The following KANK1 variants were observed in gnomAD, a reference collection of about 807,000 sequenced individuals.
KANK1 encodes KN motif and ankyrin repeat domain-containing protein 1.
Under a neutral mutation model 106.2 loss-of-function variants are expected in KANK1, and 109 were observed. The ratio of observed to expected loss-of-function variants is 1.03; its 90% CI spans 0.88 to 1.20. The LOEUF is 1.20. Among genes scored for constraint, KANK1 ranks in the 50% most tolerant of loss-of-function variants. KANK1 has a pLI of 0.00. For missense variants in KANK1, 2,399 were observed against 1,710.7 expected, an observed-to-expected ratio of 1.40 and a Z score of -7.10; for synonymous variants, 873 against 652.2, an observed-to-expected ratio of 1.34 and a Z score of -5.16.
At chr9:569,489 C>T (rs1818639107) in intron 1 of KANK1, among the ~76,000 whole-genome samples, 1 of 152,164 alleles carries the variant, frequency 6.6e-6, no homozygotes, top group Non-Finnish European at 1.5e-5. Flanking sequence ...ATGTGATTCC[C>T]TGTGCTGCCT....
At chr9:628,920 A>C (rs866445032) in intron 1 of KANK1, among the ~76,000 whole-genome samples, 1 of 149,648 alleles carries the variant, frequency 6.7e-6, no homozygotes, top group South Asian at 2.1e-4. Context: ...CTCTACTAAA[A>C]ATACAAAAAA....
intron 1 of KANK1, among the ~76,000 whole-genome samples, chr9:622,987 C>T (rs1387842626): frequency 6.6e-6 from 1 of 152,116 alleles, no homozygotes; most frequent in Non-Finnish European, 1.5e-5. Flanking sequence ...AGCTTCTTGA[C>T]ATTGGCCTTG....
intron 1 of KANK1, among the ~76,000 whole-genome samples, chr9:544,464 T>A (rs2060807021): frequency 6.6e-6 from 1 of 152,150 alleles, no homozygotes; most frequent in Admixed American, 6.5e-5. Context: ...TCACTATTGC[T>A]GATGAGCCAT....
intron 1 of KANK1, among the ~76,000 whole-genome samples, chr9:608,871 G>C (rs1434335380): frequency 6.6e-6 from 1 of 152,142 alleles, no homozygotes; most frequent in Non-Finnish European, 1.5e-5. Flanking sequence ...TAAGGCCATG[G>C]TGACATGCAT....
Position 671,821 on chromosome 9 carries a change from ACCTGT to A in KANK1, c.-83-5068_-83-5064del, listed in dbSNP as rs575727486. Among the ~76,000 whole-genome samples the A allele has an allele frequency of 3.3e-3, 490 of 149,886 alleles. 1 individual carries two copies. The highest frequency in any genetic ancestry group is 0.012 in the African/African-American group (479 of 40,696). ...AAATTAGCTGGGCATGGTGGTACAC[ACCTGT>A]AATCCCAGCTGCTTGGGAGGCTGAG... On this transcript the variant is annotated intron_variant, in intron 1 of 11. Transcript: ENST00000382297.
chr9:534,837 C>G (rs549625937), intron 1 of KANK1, among the ~76,000 whole-genome samples: 1 of 152,270 alleles, frequency 6.6e-6, no homozygotes, highest in African/African-American at 2.4e-5. Context: ...GTAGAAAATT[C>G]TATAAGTTTA....
At chr9:520,054 A>G (rs745535597) in intron 1 of KANK1, among the ~76,000 whole-genome samples, 28 of 151,740 alleles carry the variant, frequency 1.8e-4, no homozygotes, top group Non-Finnish European at 3.8e-4. Context: ...AGAAATGACC[A>G]TAGCCGGGTG....
chr9:561,064 A>C (rs575421671), intron 1 of KANK1, among the ~76,000 whole-genome samples: 1 of 152,306 alleles, frequency 6.6e-6, no homozygotes, highest in East Asian at 1.9e-4. Flanking sequence ...TTGTTTTCAA[A>C]CAAGTTCTAC....
At chr9:576,380 T>G (rs1197616752) in intron 1 of KANK1, among the ~76,000 whole-genome samples, 1 of 152,198 alleles carries the variant, frequency 6.6e-6, no homozygotes, top group Non-Finnish European at 1.5e-5. Context: ...GGCCTCCCTT[T>G]TAATATACAG....
chr9:700,013 C>G (rs1822255056), intron 2 of KANK1, among the ~76,000 whole-genome samples: 1 of 152,162 alleles, frequency 6.6e-6, no homozygotes, highest in Non-Finnish European at 1.5e-5. Context: ...ACTTACCTAC[C>G]TACCTACGTA....
At chr9:739,526 C>T (rs1834782451) in intron 8 of KANK1, among the ~76,000 whole-genome samples, 2 of 152,174 alleles carry the variant, frequency 1.3e-5, no homozygotes, top group Non-Finnish European at 2.9e-5. Context: ...TTCCATCTTA[C>T]AGGAAGGAAT....
At chr9:736,397 T>A (rs1833816005) in intron 7 of KANK1, among the ~76,000 whole-genome samples, 1 of 152,186 alleles carries the variant, frequency 6.6e-6, no homozygotes, top group Admixed American at 6.5e-5. Context: ...GAGGGCCAGC[T>A]GTACTAAATA....
At chr9:674,314 G>C (rs1424258138) in intron 1 of KANK1, 1 of 151,584 alleles carries the variant, frequency 6.6e-6, no homozygotes, top group Non-Finnish European at 1.5e-5. Context: ...CCTCTCTCCA[G>C]GTGAACACAA....
At chr9:474,348 A>T (rs1344251196) in intron 3 of KANK1, among the ~76,000 whole-genome samples, 1 of 152,210 alleles carries the variant, frequency 6.6e-6, no homozygotes, top group Non-Finnish European at 1.5e-5. Flanking sequence ...GCTGAAGTTC[A>T]ATGCCTTGTC....
Position 691,432 on chromosome 9 carries a change from A to T in KANK1, c.37+14423A>T, listed in dbSNP as rs559562913. ...TATATATATATATTTATTTATTATT[A>T]TTTTTTTTAATAGAGACAAGGTCTC... is the stretch of plus-strand genomic sequence containing the variant. On this transcript the variant is annotated intron_variant, in intron 2 of 11. Transcript: ENST00000382297. 1.6e-3 allele frequency among the ~76,000 whole-genome samples: 242 copies of T among 149,022 alleles called. 3 individuals carry two copies. The highest frequency in any genetic ancestry group is 5.4e-3 in the African/African-American group (221 of 40,658).
chr9:727,909 C>T (rs771739001), intron 3 of KANK1, among the ~76,000 whole-genome samples: 1 of 152,084 alleles, frequency 6.6e-6, no homozygotes. Flanking sequence ...TCCTGTCAGC[C>T]AGGGGATTCC....
chr9:676,196 C>G (rs75100710), intron 1 of KANK1, among the ~76,000 whole-genome samples: 1,992 of 152,202 alleles, frequency 0.013, 48 homozygotes, highest in African/African-American at 0.046. Context: ...GAATGCCTAA[C>G]CTCCTGGGAA....
chr9:726,918 C>G (rs1227438179), intron 3 of KANK1, among the ~76,000 whole-genome samples: 1 of 152,214 alleles, frequency 6.6e-6, no homozygotes, highest in Non-Finnish European at 1.5e-5. Context: ...CAGGATTGCT[C>G]CACTGCACTC....
chr9:470,444 A>C (rs2132009560), intron 1 of KANK1: 1 of 152,612 alleles, frequency 6.6e-6, no homozygotes, highest in Non-Finnish European at 1.5e-5. Context: ...CAGGGAAAGG[A>C]GTAGAACTGG....
Sources: gnomAD v4.1 joint callset for allele counts (sites outside exome capture counted in the v4.1 genomes callset) on GRCh38, gnomAD v4.1.1 for gene constraint, MANE v1.5 for transcripts, NCBI Gene and HGNC (gene_info 2026-07-23, HGNC 2026-07-21) for gene names.